TLE4: variants seen among roughly 807,000 people sequenced by gnomAD.
The protein encoded by TLE4 is transducin-like enhancer protein 4.
A neutral mutation model predicts 92.8 loss-of-function variants in TLE4; 8 were observed. That is an observed-to-expected ratio of 0.09 (90% CI 0.05 to 0.16). The LOEUF (loss-of-function observed/expected upper bound fraction) is 0.16, where lower values mean the gene tolerates loss of function less well. Among genes scored for constraint, TLE4 ranks in the 10% least tolerant of loss-of-function variants. TLE4 has a pLI of 1.00. For synonymous variants in TLE4, 371 were observed against 374.1 expected, an observed-to-expected ratio of 0.99 and a Z score of 0.10; for missense variants, 675 against 997.6, an observed-to-expected ratio of 0.68 and a Z score of 4.36.
chr9:79,589,043 A>C (rs1253595723), intron 4 of TLE4, among the ~76,000 whole-genome samples: 3 of 152,192 alleles, frequency 2.0e-5, no homozygotes, highest in Non-Finnish European at 4.4e-5. Flanking sequence ...TAGTGGGTAG[A>C]GTCTGGGATG....
chr9:79,670,775 A>G (rs2062173946), intron 8 of TLE4, among the ~76,000 whole-genome samples: 1 of 152,020 alleles, frequency 6.6e-6, no homozygotes. Context: ...ATCATGCCTT[A>G]TGCTATTTAC....
chr9:79,596,037 A>G (rs182582973), intron 4 of TLE4, among the ~76,000 whole-genome samples: 6,442 of 149,030 alleles, frequency 0.043, 440 homozygotes, highest in African/African-American at 0.15. Context: ...TAGTAGAGAC[A>G]GGGTTTCACC....
chr9:79,652,478 T>C lies in TLE4; in HGVS notation c.391-115T>C, dbSNP rs555604289. The C allele has an allele frequency of 7.3e-4, 850 of 1,167,010 alleles. 7 individuals carry two copies. In the African/African-American group the frequency reaches 0.011, roughly 15 times the overall value. 72.3% of individuals were successfully genotyped at this position (1,167,010 alleles called of 1,614,324 possible). A position where few individuals can be genotyped will look rare whatever the true frequency, so the allele number is the denominator to read the frequency against. The stretch of plus-strand genomic sequence containing the variant: ...CTGGGATTACAGGCGTGAGCCACCG[T>C]GCCCAGCCGGTGTTGGCTTTTTTAC... On this transcript the variant is annotated intron_variant, in intron 6 of 19. Transcript: ENST00000376552.
intron 4 of TLE4, among the ~76,000 whole-genome samples, chr9:79,579,897 A>G (rs2039135662): frequency 6.6e-6 from 1 of 152,212 alleles, no homozygotes; most frequent in Non-Finnish European, 1.5e-5. Flanking sequence ...CCTTTTAGCA[A>G]ACTGTAATAA....
intron 14 of TLE4, 46 bp from the exon 15 acceptor site, chr9:79,718,676 A>T: frequency 6.4e-7 from 1 of 1,573,196 alleles, no homozygotes; most frequent in Non-Finnish European, 8.7e-7. Context: ...GTTAAGTGAC[A>T]TTTTTTTACA....
intron 4 of TLE4, chr9:79,601,303 C>G: frequency 2.3e-6 from 1 of 443,950 alleles, no homozygotes; most frequent in South Asian, 1.6e-5. Flanking sequence ...TAAACCATAT[C>G]AGAATTTAAG....
In TLE4 at chr9:79,681,616, T is replaced by A. The variant is rs572242603; in HGVS notation, c.610-23167T>A. ...ACATTCTAGACATTCTAAGTCCTTA[T>A]TCTAAGGATACACTGACTTTTCTGG... On this transcript the variant is annotated intron_variant, in intron 8 of 19. Transcript: ENST00000376552. 5.3e-5 allele frequency among the ~76,000 whole-genome samples: 8 copies of A among 152,158 alleles called. No individual in the cohort carries two copies. In the South Asian group the frequency reaches 1.7e-3, roughly 31 times the overall value.
intron 14 of TLE4, among the ~76,000 whole-genome samples, chr9:79,714,464 C>T (rs1292882624): frequency 6.6e-6 from 1 of 152,166 alleles, no homozygotes; most frequent in Admixed American, 6.5e-5. Context: ...GATTTCCCAG[C>T]TCATTTTACC....
intron 6 of TLE4, among the ~76,000 whole-genome samples, chr9:79,643,608 G>C (rs2057570106): frequency 6.6e-6 from 1 of 152,062 alleles, no homozygotes; most frequent in Admixed American, 6.6e-5. Context: ...GTCTACATTT[G>C]TCTGTTTGTT....
At chr9:79,693,773 T>C (rs1413810448) in intron 8 of TLE4, 2 of 386,998 alleles carry the variant, frequency 5.2e-6, no homozygotes, top group Admixed American at 3.5e-5. Flanking sequence ...TAGTATTAAA[T>C]AGCAAAAGCG....
chr9:79,606,157 G>C (rs1229321061), intron 4 of TLE4, among the ~76,000 whole-genome samples: 1 of 29,500 alleles, frequency 3.4e-5, no homozygotes, highest in Non-Finnish European at 7.6e-5. Context: ...TATCAACTTT[G>C]TTTTATTGCT....
chr9:79,651,576 G>A (rs2059001239), intron 6 of TLE4, among the ~76,000 whole-genome samples: 1 of 152,180 alleles, frequency 6.6e-6, no homozygotes, highest in Non-Finnish European at 1.5e-5. Context: ...AGAGTACAAG[G>A]GCAGGCCTCT....
chr9:79,708,268 T>G lies in TLE4; in HGVS notation c.1069+18T>G, dbSNP rs773287722. The G allele has an allele frequency of 7.5e-6, 12 of 1,610,686 alleles. 1 individual carries two copies. The highest frequency in any genetic ancestry group is 8.5e-7 in the Non-Finnish European group (1 of 1,178,914). The stretch of plus-strand genomic sequence containing the variant: ...CCCTTTGGGTTAGTAAGAAAAAAGT[T>G]TTTTCTATATTTTTATGCTCGTTTT... On this transcript the variant is annotated intron_variant, in intron 12 of 19. Transcript: ENST00000376552.
At chr9:79,645,472 A>C (rs2057952330) in intron 6 of TLE4, among the ~76,000 whole-genome samples, 1 of 152,200 alleles carries the variant, frequency 6.6e-6, no homozygotes, top group African/African-American at 2.4e-5. Flanking sequence ...ATGACTTGTC[A>C]GTCCCTTGTC....
At chr9:79,606,184 G>GTTTTTTT (rs1288414778) in intron 4 of TLE4, among the ~76,000 whole-genome samples, 7 of 18,410 alleles carry the variant, frequency 3.8e-4, no homozygotes, top group East Asian at 2.5e-3. Flanking sequence ...AGCAGTAGTA[G>GTTTTTTT]TTGTTTTTTT....
intron 4 of TLE4, among the ~76,000 whole-genome samples, chr9:79,608,745 A>G (rs2047677169): frequency 2.6e-5 from 4 of 152,154 alleles, no homozygotes; most frequent in Admixed American, 2.0e-4. Context: ...TGTTGTTCCT[A>G]TTTTGATGAG....
intron 11 of TLE4, 154 bp downstream of exon 11, chr9:79,707,053 GTA>G (rs1251839359): frequency 5.1e-6 from 8 of 1,580,484 alleles, no homozygotes; most frequent in Non-Finnish European, 6.9e-6. Flanking sequence ...GCAAAAGTAT[GTA>G]GAGCAGAATA....
At chr9:79,722,319 C>G (rs1194616977) in intron 17 of TLE4, 132 bp from the exon 18 acceptor site, 9 of 1,101,760 alleles carry the variant, frequency 8.2e-6, no homozygotes, top group East Asian at 2.7e-5. Context: ...GACTTTGGTT[C>G]TCCCCTGTAC....
Position 79,575,055 on chromosome 9 carries a change from A to C in TLE4, c.207+119A>C, listed in dbSNP as rs985126908. 6 of 758,220 alleles carry C rather than the reference A, an allele frequency of 7.9e-6. No individual in the cohort carries two copies. The Admixed American group carries it at 1.3e-4, about 16-fold the overall frequency. 47.0% of individuals were successfully genotyped at this position (758,220 alleles called of 1,614,324 possible). On this transcript the variant is annotated intron_variant, in intron 3 of 19. Transcript: ENST00000376552. ...CACAGTCACCCTGCCAGTGCAGTTG[A>C]AGTTGTGGGAATATGTCTATTAGCA... is the stretch of plus-strand genomic sequence containing the variant.
Sources: allele counts gnomAD v4.1 joint callset (sites outside exome capture counted in the v4.1 genomes callset), GRCh38; gene constraint gnomAD v4.1.1; transcripts MANE v1.5; gene names NCBI Gene and HGNC (gene_info 2026-07-23, HGNC 2026-07-21).